The following KMT2A variants were observed in gnomAD, a reference collection of about 807,000 sequenced individuals.
KMT2A encodes the protein lysine methyltransferase 2A.
A neutral mutation model predicts 345.3 loss-of-function variants in KMT2A; 16 were observed. The observed-to-expected ratio is 0.05, with a 90% CI of 0.03 to 0.07. KMT2A has a LOEUF of 0.07. Among genes scored for constraint, KMT2A ranks in the 10% least tolerant of loss-of-function variants. The pLI, the probability that KMT2A is intolerant of heterozygous loss-of-function variation, is 1.00. For synonymous variants in KMT2A, 1,599 were observed against 1,778.6 expected (o/e 0.90, Z 2.54); for missense variants, 3,272 against 4,841.6 (o/e 0.68, Z 9.62).
Position 118,436,599 on chromosome 11 carries a change from C to T in KMT2A, c.87C>T (p.Gly29=), listed in dbSNP as rs2134152482. Residue 29 remains glycine (G), a synonymous_variant, in exon 1 of 36, where the codon GGC becomes GGT. Coordinates refer to ENST00000534358, the MANE Select transcript of KMT2A (RefSeq NM_001197104.2). The surrounding 1 kb of genome is among the most constrained non-coding windows in gnomAD (Gnocchi z 6.9). ...GGGGGRRGLG[G]APRQRVPALL... ...GCGGGGGGCGCCGGGGCCTAGGGGGCGCCCCGCGGCAACGCGTCCCGGCCC... is the reference window on the plus strand; with the variant it reads ...GCGGGGGGCGCCGGGGCCTAGGGGGTGCCCCGCGGCAACGCGTCCCGGCCC... 1 of 1,164,950 alleles carries T rather than the reference C, an allele frequency of 8.6e-7. No individual in the cohort carries two copies. The highest frequency in any genetic ancestry group is 1.1e-6 in the Non-Finnish European group (1 of 939,320). The allele number at this position is 1,164,950 out of a possible 1,614,324, so 72.2% of individuals were successfully genotyped here. A position where few individuals can be genotyped will look rare whatever the true frequency, so the allele number is the denominator to read the frequency against.
At position 118,504,301 on chromosome 11, in the gene KMT2A, G is replaced by A. The variant is rs782121890; in HGVS notation, c.8409G>A (p.Gln2803=). The A allele has an allele frequency of 6.2e-7, 1 of 1,614,158 alleles. No individual in the cohort carries two copies. The highest frequency in any genetic ancestry group is 8.5e-7 in the Non-Finnish European group (1 of 1,180,032). ...AGGGACAAGATTCCTTGGAAGCTCA[G>A]CTCAGCTCATTGGAGTCAAGCCGCA... ...KTQGQDSLEA[Q]LSSLESSRRV... is the part of the protein sequence containing the mutation. Residue 2803 remains glutamine, a synonymous_variant, in exon 27 of 36, where the codon CAG becomes CAA. Coordinates refer to ENST00000534358, the MANE Select transcript of KMT2A (RefSeq NM_001197104.2). The surrounding 1 kb of genome is among the most constrained non-coding windows in gnomAD (Gnocchi z 6.4).
rs150493660 is a variant in KMT2A at position 118,451,711 on chromosome 11, C to T, written c.432+14767C>T. The stretch of plus-strand genomic sequence containing the variant: ...TCTCACCATCTTATGTAGCTGGTCT[C>T]GAACTCCCAGGCTCAAGCAGTCGTC... On this transcript the variant is annotated intron_variant, in intron 1 of 35. Coordinates refer to ENST00000534358, the MANE Select transcript of KMT2A (RefSeq NM_001197104.2). Among the ~76,000 whole-genome samples, 49 of 148,034 alleles carry T rather than the reference C, an allele frequency of 3.3e-4. 1 individual carries two copies. The highest frequency in any genetic ancestry group is 4.8e-4 in the Non-Finnish European group (32 of 67,360).
At chr11:118,444,909 C>T (rs1949387344) in intron 1 of KMT2A, among the ~76,000 whole-genome samples, 1 of 152,158 alleles carries the variant, frequency 6.6e-6, no homozygotes, top group Admixed American at 6.5e-5. Flanking sequence ...ACCTCTGTTT[C>T]TTCATTTGTA....
rs377156559 is a variant in KMT2A at position 118,502,481 on chromosome 11, C to A, written c.6589C>A (p.Arg2197Ser). ...SSGLRSIGSR[R>S]HSTSSLSPQR... is the part of the protein sequence containing the mutation. ...TGGACTTCGAAGCATTGGCTCCAGG[C>A]GTCACAGTACCTCTTCCTTATCACC... is the stretch of plus-strand genomic sequence containing the variant. The change falls in exon 27 of 36, where the codon CGT becomes AGT. Residue 2197 changes from arginine to serine, a missense_variant. Arg to Ser is a moderately radical substitution (Grantham distance 110). Coordinates refer to ENST00000534358, the MANE Select transcript of KMT2A (RefSeq NM_001197104.2). This position sits in a 1 kb window ranked among gnomAD's most constrained non-coding sequence, Gnocchi z 4.9. The A allele has an allele frequency of 1.2e-6, 2 of 1,613,726 alleles. No individual in the cohort carries two copies. The highest frequency in any genetic ancestry group is 1.7e-6 in the Non-Finnish European group (2 of 1,179,838).
intron 1 of KMT2A, among the ~76,000 whole-genome samples, chr11:118,451,729 C>A (rs1475243199): frequency 6.6e-6 from 1 of 151,090 alleles, no homozygotes; most frequent in Non-Finnish European, 1.5e-5. Flanking sequence ...CAGGCTCAAG[C>A]AGTCGTCCTG....
At chr11:118,442,252 A>G (rs1949330121) in intron 1 of KMT2A, among the ~76,000 whole-genome samples, 2 of 152,172 alleles carry the variant, frequency 1.3e-5, no homozygotes, top group African/African-American at 4.8e-5. Flanking sequence ...AAGCTTTGTG[A>G]CTATCACTAC....
chr11:118,499,972 G>A, intron 24 of KMT2A, 59 bp downstream of exon 24: 2 of 1,134,048 alleles, frequency 1.8e-6, no homozygotes, highest in Middle Eastern at 2.0e-4. Flanking sequence ...CTGAAGCCAT[G>A]TGCAGGTCAT....
Position 118,491,140 on chromosome 11 carries a change from G to A in KMT2A, c.4697-56G>A, listed in dbSNP as rs782686356. 1.9e-4 allele frequency: 300 copies of A among 1,588,112 alleles called. No homozygotes were observed. The highest frequency in any genetic ancestry group is 9.9e-4 in the African/African-American group (73 of 73,830). On this transcript the variant is annotated intron_variant, in intron 13 of 35. Transcript: ENST00000534358. The surrounding 1 kb of genome is among the most constrained non-coding windows in gnomAD (Gnocchi z 4.2). ...GGTTGGTAAATGCAAGTCGAGGGCC[G>A]TAAAAACACGGGTATGTGAGCCAAA...
intron 32 of KMT2A, 80 bp from the exon 33 acceptor site, chr11:118,519,877 G>C: frequency 6.4e-7 from 1 of 1,562,058 alleles, no homozygotes; most frequent in Non-Finnish European, 8.8e-7. Flanking sequence ...TACCCTTTGA[G>C]ATTTCCAGTT....
intron 23 of KMT2A, 63 bp downstream of exon 23, chr11:118,499,483 C>T: frequency 9.1e-7 from 1 of 1,100,616 alleles, no homozygotes; most frequent in South Asian, 1.3e-5. Context: ...TTCTGGTCCT[C>T]AGTTATAAAA....
Position 118,473,082 on chromosome 11 carries a change from T to C in KMT2A, c.1923T>C (p.Gly641=), listed in dbSNP as rs1555036225. The C allele has an allele frequency of 6.2e-7, 1 of 1,614,134 alleles. No homozygotes were observed. ...YFSSAKYAKE[G]LIRKPIFDNF... is the part of the protein sequence containing the mutation. ...CCTCAGCAAAGTATGCCAAAGAAGG[T>C]CTTATTCGCAAACCAATATTTGATA... The change falls in exon 3 of 36, where the codon GGT becomes GGC. Residue 641 remains glycine (G), a synonymous_variant. Transcript: ENST00000534358. The surrounding 1 kb of genome is among the most constrained non-coding windows in gnomAD (Gnocchi z 5.2).
intron 5 of KMT2A, 75 bp from the exon 6 acceptor site, chr11:118,480,099 G>T: frequency 8.5e-7 from 1 of 1,179,268 alleles, no homozygotes; most frequent in South Asian, 1.3e-5. Flanking sequence ...GATTGTTGCA[G>T]ACAAAATGAA....
chr11:118,488,470 A>C, intron 10 of KMT2A, 144 bp from the exon 11 acceptor site: 1 of 822,100 alleles, frequency 1.2e-6, no homozygotes, highest in Non-Finnish European at 2.1e-6. Context: ...ACTTTTTTAC[A>C]TAGTCATTGC....
chr11:118,484,276 CCAG>C lies in KMT2A; in HGVS notation c.4184_4186del (p.Ala1395del). 1.9e-6 allele frequency: 3 copies of C among 1,614,002 alleles called. No individual in the cohort carries two copies. Among genetic ancestry groups the C allele is most frequent in the Non-Finnish European group, 2.5e-6 (3 of 1,179,984 alleles). On this transcript the variant is annotated inframe_deletion, in exon 9 of 36. Transcript: ENST00000534358. This position sits in a 1 kb window ranked among gnomAD's most constrained non-coding sequence, Gnocchi z 4.1. ...TGGCAATAGTTCTAAGCAAAAAATTCCAGCAGATGGAGTCCACAGGATCAGAGT... is the reference window on the plus strand; with the variant it reads ...TGGCAATAGTTCTAAGCAAAAAATTCCAGATGGAGTCCACAGGATCAGAGT...
rs78375882 is a variant in KMT2A, at chr11:118,494,613, A to G, written c.5290-81A>G. The G allele has an allele frequency of 1.2e-3, 1,515 of 1,251,158 alleles. 11 individuals carry two copies. In the African/African-American group the frequency reaches 0.017, roughly 14 times the overall value. The allele number at this position is 1,251,158 out of a possible 1,614,324, so 77.5% of individuals were successfully genotyped here. ...GGCCTGAAATTATCCTCGTATTAAC[A>G]GAGAAGCTGGTTTGAAGATTTTTCA... On this transcript the variant is annotated intron_variant, in intron 17 of 35. Coordinates refer to ENST00000534358, the MANE Select transcript of KMT2A (RefSeq NM_001197104.2). This position sits in a 1 kb window ranked among gnomAD's most constrained non-coding sequence, Gnocchi z 5.8.
Position 118,504,630 on chromosome 11 carries a change from G to A in KMT2A, c.8738G>A (p.Ser2913Asn), listed in dbSNP as rs782532794. The A allele has an allele frequency of 6.2e-6, 10 of 1,614,148 alleles. No homozygotes were observed. The highest frequency in any genetic ancestry group is 2.2e-5 in the East Asian group (1 of 44,878). Residue 2913 changes from serine to asparagine, a missense_variant, in exon 27 of 36, where the codon AGT becomes AAT. Ser to Asn is a conservative substitution (Grantham distance 46, BLOSUM62 1). Around this residue, in one of 27 missense-constraint regions of KMT2A, gnomAD observed 748 missense variants for 922.2 expected, o/e 0.81. Transcript: ENST00000534358. This position sits in a 1 kb window ranked among gnomAD's most constrained non-coding sequence, Gnocchi z 6.4. ...CCTACAACAGAACCTGTGGATAGTA[G>A]TGTCTCTTCCTCTATCTCAGCAGAG... ...QLPTTEPVDS[S>N]VSSSISAEEQ...
At position 118,491,892 on chromosome 11, in the gene KMT2A, T is replaced by C. The variant is rs782201002; in HGVS notation, c.4968T>C (p.Asn1656=). The change falls in exon 15 of 36, where the codon AAT becomes AAC. Residue 1656 remains asparagine, a synonymous_variant. Transcript: ENST00000534358. The surrounding 1 kb of genome is among the most constrained non-coding windows in gnomAD (Gnocchi z 4.2). ...AGCAAGTTCTGACAGCTTTGTTGAA[T>C]TCTCGGACTACCAGCCATTTGCTAC... ...SLKQVLTALL[N]SRTTSHLLRY... The C allele has an allele frequency of 4.3e-6, 7 of 1,613,718 alleles. No individual in the cohort carries two copies. The Admixed American group carries it at 1.0e-4, about 23-fold the overall frequency.
At position 118,505,838 on chromosome 11, in the gene KMT2A, G is replaced by A. The variant is rs143955975; in HGVS notation, c.9946G>A (p.Ala3316Thr). 2 of 1,614,052 alleles carry A rather than the reference G, an allele frequency of 1.2e-6. No homozygotes were observed. The highest frequency in any genetic ancestry group is 2.7e-5 in the African/African-American group (2 of 74,908). Residue 3316 changes from alanine (A) to threonine (T), a missense_variant, in exon 27 of 36, where the codon GCG becomes ACG. Physicochemically the swap from Ala to Thr is moderately conservative, Grantham distance 58. Coordinates refer to ENST00000534358, the MANE Select transcript of KMT2A (RefSeq NM_001197104.2). The surrounding 1 kb of genome is among the most constrained non-coding windows in gnomAD (Gnocchi z 4.6). ...GAGTGTGGGAGGAACTGCTGCCACA[G>A]CGGCAGGCACATCAACAATAAGCCA... is the stretch of plus-strand genomic sequence containing the variant. ...PQSVGGTAAT[A>T]AGTSTISQDT...
At chr11:118,460,308 A>C (rs782126366) in intron 1 of KMT2A, among the ~76,000 whole-genome samples, 4 of 152,156 alleles carry the variant, frequency 2.6e-5, no homozygotes, top group Non-Finnish European at 5.9e-5. Flanking sequence ...CTTTTTTCTG[A>C]GATAGGGACT....
Sources: allele counts gnomAD v4.1 joint callset (sites outside exome capture counted in the v4.1 genomes callset), GRCh38; gene constraint gnomAD v4.1.1; regional missense constraint gnomAD v4.1.1; non-coding constraint Gnocchi (gnomAD v3.1); transcripts MANE v1.5; gene names NCBI Gene and HGNC (gene_info 2026-07-23, HGNC 2026-07-21).